Variants in OSBPL7 observed in about 807,000 individuals in gnomAD.
The protein encoded by OSBPL7 is oxysterol binding protein like 7, also known as oxysterol-binding protein-related protein 7.
Under a neutral mutation model 115.8 loss-of-function variants are expected in OSBPL7, and 66 were observed. That is an observed-to-expected ratio of 0.57 (90% CI 0.47 to 0.70). The LOEUF (loss-of-function observed/expected upper bound fraction) is 0.70, where lower values mean the gene tolerates loss of function less well. Ranked by LOEUF, OSBPL7 falls within the 30% of genes least tolerant of loss-of-function variation. The probability of loss-of-function intolerance (pLI) is 0.00; values close to 1 mark genes in which losing one functional copy is unlikely to be tolerated. For synonymous variants in OSBPL7, 441 were observed against 439.2 expected (o/e 1.00, Z -0.05); for missense variants, 902 against 1,125.5 (o/e 0.80, Z 2.84).
intron 5 of OSBPL7, 69 bp downstream of exon 5, chr17:47,818,917 G>A (rs1685770193): frequency 3.0e-6 from 4 of 1,339,108 alleles, no homozygotes; most frequent in Admixed American, 1.7e-5. Context: ...CTCAGCCCCT[G>A]CCCCTGTGTG....
intron 4 of OSBPL7, 96 bp from the exon 5 acceptor site, chr17:47,819,195 GC>G: frequency 1.0e-6 from 1 of 1,004,518 alleles, no homozygotes; most frequent in Non-Finnish European, 1.5e-6. Flanking sequence ...AGGCTCAAGG[GC>G]CAGGTGGCAG....
Position 47,813,247 on chromosome 17 carries a change from T to C in OSBPL7, c.1737+19A>G, listed in dbSNP as rs777780768. The C allele has an allele frequency of 3.1e-6, 5 of 1,613,432 alleles. No individual in the cohort carries two copies. In the Admixed American group the frequency reaches 5.0e-5, roughly 16 times the overall value. On this transcript the variant is annotated intron_variant, in intron 16 of 22. Transcript: ENST00000007414. Reference sequence around the variant, plus strand: ...TGCCCCAGACACCCAAGGCCAGCCCTCTTCTCCCAAGGCCATACCTGCTCA... The same window carrying C: ...TGCCCCAGACACCCAAGGCCAGCCCCCTTCTCCCAAGGCCATACCTGCTCA...
intron 16 of OSBPL7, among the ~76,000 whole-genome samples, chr17:47,811,207 C>T (rs2033031285): frequency 6.6e-6 from 1 of 151,954 alleles, no homozygotes; most frequent in East Asian, 1.9e-4. Flanking sequence ...CCCCCCACCC[C>T]ACCCCAAAGC....
Position 47,809,360 on chromosome 17 carries a change from A to G in OSBPL7, c.1999T>C (p.Cys667Arg). The G allele has an allele frequency of 6.2e-7, 1 of 1,614,144 alleles. No individual in the cohort carries two copies. Among genetic ancestry groups the G allele is most frequent in the Non-Finnish European group, 8.5e-7 (1 of 1,179,966 alleles). Residue 667 changes from cysteine (C) to arginine (R), a missense_variant, in exon 19 of 23, where the codon TGC becomes CGC. Physicochemically the swap from Cys to Arg is radical, Grantham distance 180 (BLOSUM62 -3). Transcript: ENST00000007414. ...TTGCAGAAGGTGATCTTGCAGTGGC[A>G]GGAGCTGTCCTGTGTGTTTCGGATG... ...VLIRNTQDSS[C>R]HCKITFCKAK...
chr17:47,815,975 G>A, intron 12 of OSBPL7, 132 bp downstream of exon 12: 1 of 688,252 alleles, frequency 1.5e-6, no homozygotes, highest in South Asian at 2.0e-5. Context: ...TTATGGGAAA[G>A]ACAATGGAGC....
chr17:47,813,130 G>A (rs776182891), intron 16 of OSBPL7, 136 bp downstream of exon 16: 181 of 1,219,412 alleles, frequency 1.5e-4, no homozygotes, highest in Non-Finnish European at 1.9e-4. Flanking sequence ...CAGGAGCACC[G>A]CAGAGCCCGG....
In OSBPL7 at chr17:47,816,695, C is replaced by G; in HGVS notation, c.796G>C (p.Val266Leu). ...GGAACAGAGCCATGGAGACGACCAA[C>G]CTGTAGGTGAAGGGGAAGGGCTGAA... is the stretch of plus-strand genomic sequence containing the variant. Reference protein sequence around the residue: ...SFAKDDTIGRVGRLHGSVPNL... With the variant: ...SFAKDDTIGRLGRLHGSVPNL... Residue 266 changes from valine (V) to leucine (L), a missense_variant and splice_region_variant, in exon 10 of 23, where the codon GTT (valine) becomes CTT (leucine). Transcript: ENST00000007414. The surrounding 1 kb of genome is among the most constrained non-coding windows in gnomAD (Gnocchi z 5.8). The G allele has an allele frequency of 6.2e-7, 1 of 1,614,076 alleles. No individual in the cohort carries two copies. Among genetic ancestry groups the G allele is most frequent in the Non-Finnish European group, 8.5e-7 (1 of 1,180,008 alleles).
At chr17:47,820,615 C>T (rs2033369243) in intron 1 of OSBPL7, 1 of 249,622 alleles carries the variant, frequency 4.0e-6, no homozygotes, top group Non-Finnish European at 7.8e-6. Flanking sequence ...ATGCCCAGCC[C>T]CGCCTTGGGC....
chr17:47,818,636 G>C lies in OSBPL7; in HGVS notation c.370-20C>G, dbSNP rs1413073668. On this transcript the variant is annotated intron_variant, in intron 5 of 22. Coordinates refer to ENST00000007414, the MANE Select transcript of OSBPL7 (RefSeq NM_145798.3). The stretch of plus-strand genomic sequence containing the variant: ...TTTGATCTGCAGAAGTGATGGAGAG[G>C]GGGAGGGCTATCTGAAGAGAGGGAC... 6.3e-7 allele frequency: 1 copy of C among 1,599,332 alleles called. No homozygotes were observed. The highest frequency in any genetic ancestry group is 8.5e-7 in the Non-Finnish European group (1 of 1,169,950).
At chr17:47,814,198 C>T (rs531525830) in intron 14 of OSBPL7, among the ~76,000 whole-genome samples, 11 of 152,318 alleles carry the variant, frequency 7.2e-5, no homozygotes, top group African/African-American at 2.2e-4. Context: ...AGGAAATAGG[C>T]TCTCAGAAGT....
Position 47,808,667 on chromosome 17 carries a change from A to C in OSBPL7, c.2298-7T>G, listed in dbSNP as rs2143515975. The C allele has an allele frequency of 6.2e-7, 1 of 1,614,034 alleles. No homozygotes were observed. Among genetic ancestry groups the C allele is most frequent in the South Asian group, 1.1e-5 (1 of 91,070 alleles). On this transcript the variant is annotated splice_region_variant and splice_polypyrimidine_tract_variant and intron_variant, in intron 21 of 22. Coordinates refer to ENST00000007414, the MANE Select transcript of OSBPL7 (RefSeq NM_145798.3). The surrounding 1 kb of genome is among the most constrained non-coding windows in gnomAD (Gnocchi z 6.1). The stretch of plus-strand genomic sequence containing the variant: ...GTTCCCCTCCTCCAGGTACCTGAGG[A>C]TCCAGATCAAACTCAGGGGAACTGC...
intron 19 of OSBPL7, 31 bp downstream of exon 19, chr17:47,809,303 T>A: frequency 6.2e-7 from 1 of 1,611,344 alleles, no homozygotes; most frequent in Non-Finnish European, 8.5e-7. Context: ...CTGCCGGGGA[T>A]GGATGGGCAG....
chr17:47,820,472 C>G (rs539221126), intron 1 of OSBPL7, 107 bp from the exon 2 acceptor site: 1 of 587,642 alleles, frequency 1.7e-6, no homozygotes, highest in African/African-American at 1.9e-5. Context: ...ATACCCTCTG[C>G]TCACCTGCCA....
chr17:47,813,596 G>T lies in OSBPL7; in HGVS notation c.1590C>A (p.Cys530Ter). The T allele has an allele frequency of 6.2e-7, 1 of 1,610,138 alleles. No individual in the cohort carries two copies. The highest frequency in any genetic ancestry group is 8.5e-7 in the Non-Finnish European group (1 of 1,177,976). ...LDQASRIADP[C>*]ERMVYIAAFA... ...GACAGGAAGCAGGTACCATGCGCTC[G>T]CAGGGGTCGGCGATGCGGCTGGCCT... Residue 530 changes from cysteine (C) to a stop codon, truncating the protein, a stop_gained, in exon 15 of 23, where the codon TGC becomes TGA. Transcript: ENST00000007414. LOFTEE classifies it high-confidence loss of function.
rs369871584 is a variant in OSBPL7 at position 47,816,589 on chromosome 17, C to T, written c.902G>A (p.Arg301His). 1.3e-5 allele frequency: 21 copies of T among 1,613,080 alleles called. 1 individual carries two copies. Among genetic ancestry groups the T allele is most frequent in the South Asian group, 8.8e-5 (8 of 90,944 alleles). The part of the protein sequence containing the change: ...LPPTDYAHLQ[R>H]SFWALAQKVH... ...CTTCTGGGCCAGGGCCCAGAAGCTG[C>T]GCTGCAGGTGGGCATAGTCTGTGGG... The change falls in exon 10 of 23, where the codon CGC (arginine) becomes CAC (histidine). Residue 301 changes from arginine (R) to histidine (H), a missense_variant. Physicochemically the swap from Arg to His is conservative, Grantham distance 29. Transcript: ENST00000007414. The surrounding 1 kb of genome is among the most constrained non-coding windows in gnomAD (Gnocchi z 5.8).
Position 47,808,309 on chromosome 17 carries a change from A to T in OSBPL7, c.2511T>A (p.Asp837Glu), listed in dbSNP as rs1313606819. 1.2e-6 allele frequency: 2 copies of T among 1,613,620 alleles called. No individual in the cohort carries two copies. The highest frequency in any genetic ancestry group is 1.7e-6 in the Non-Finnish European group (2 of 1,179,760). ...LRAEPGYGNM[D>E]GAVLW ...GCCAGGGCTACCAGAGCACGGCCCC[A>T]TCCATGTTCCCATAGCCTGGCTCGG... The change falls in exon 23 of 23, where the codon GAT becomes GAA. Residue 837 changes from aspartate (D) to glutamate (E), a missense_variant. By Grantham distance (45) the Asp-to-Glu change is conservative. This residue lies in a region of OSBPL7 where 230 missense variants were observed against 312.7 expected (regional missense o/e 0.74). Coordinates refer to ENST00000007414, the MANE Select transcript of OSBPL7 (RefSeq NM_145798.3). This position sits in a 1 kb window ranked among gnomAD's most constrained non-coding sequence, Gnocchi z 6.1.
chr17:47,816,779 C>T lies in OSBPL7; in HGVS notation c.795+1G>A, dbSNP rs1039590382. The T allele has an allele frequency of 6.2e-7, 1 of 1,614,190 alleles. No individual in the cohort carries two copies. Among genetic ancestry groups the T allele is most frequent in the Non-Finnish European group, 8.5e-7 (1 of 1,180,036 alleles). ...TACGTGAGGTGCATGCCCGACCTCACCCGTCCAATGGTGTCATCCTTGGCA... is the reference window on the plus strand; with the variant it reads ...TACGTGAGGTGCATGCCCGACCTCATCCGTCCAATGGTGTCATCCTTGGCA... On this transcript the variant is annotated splice_donor_variant, in intron 9 of 22. Coordinates refer to ENST00000007414, the MANE Select transcript of OSBPL7 (RefSeq NM_145798.3). LOFTEE classifies it high-confidence loss of function. This position sits in a 1 kb window ranked among gnomAD's most constrained non-coding sequence, Gnocchi z 5.8.
chr17:47,814,466 A>T, intron 14 of OSBPL7, 55 bp downstream of exon 14: 1 of 1,524,918 alleles, frequency 6.6e-7, no homozygotes, highest in South Asian at 1.1e-5. Context: ...CCATGGACAA[A>T]CCCTGTTTTT....
intron 7 of OSBPL7, among the ~76,000 whole-genome samples, 156 bp downstream of exon 7, chr17:47,818,113 C>T (rs974341892): frequency 6.6e-6 from 1 of 152,220 alleles, no homozygotes; most frequent in African/African-American, 2.4e-5. Flanking sequence ...CTGGGACTCC[C>T]CTAGACAGGG....
Sources: allele counts gnomAD v4.1 joint callset (sites outside exome capture counted in the v4.1 genomes callset), GRCh38; gene constraint gnomAD v4.1.1; regional missense constraint gnomAD v4.1.1; non-coding constraint Gnocchi (gnomAD v3.1); transcripts MANE v1.5; gene names NCBI Gene and HGNC (gene_info 2026-07-23, HGNC 2026-07-21).